The following MAK variants were observed in gnomAD, a reference collection of about 807,000 sequenced individuals.
The protein encoded by MAK is serine/threonine-protein kinase MAK.
In MAK, 65 loss-of-function variants were observed where a neutral mutation model predicts 82.6. That is an observed-to-expected ratio of 0.79 (90% CI 0.64 to 0.97). The LOEUF (loss-of-function observed/expected upper bound fraction) is 0.97. Ranked by LOEUF, MAK falls within the 50% of genes least tolerant of loss-of-function variation. The pLI is 0.00. For synonymous variants in MAK, 250 were observed against 274.2 expected (o/e 0.91, Z 0.87); for missense variants, 703 against 780.2 (o/e 0.90, Z 1.18).
Position 10,775,319 on chromosome 6 carries a change from T to C in MAK, c.1597+9A>G. 1 of 1,612,440 alleles carries C rather than the reference T, an allele frequency of 6.2e-7. No homozygotes were observed. Among genetic ancestry groups the C allele is most frequent in the Admixed American group, 1.7e-5 (1 of 59,964 alleles). On this transcript the variant is annotated intron_variant, in intron 12 of 14. Coordinates refer to ENST00000354489, the MANE Select transcript of MAK (RefSeq NM_001242957.3). ...CCCCGTACATGTACATTTTGTATTC[T>C]TGCGTTACCTGCATTGCTCCTTTTG...
At chr6:10,813,825 G>A (rs150508856) in intron 4 of MAK, 102 bp from the exon 5 acceptor site, 10 of 764,784 alleles carry the variant, frequency 1.3e-5, no homozygotes, top group African/African-American at 1.7e-5. Flanking sequence ...CTGGCCTCAC[G>A]ATACTGGTTA....
intron 10 of MAK, 138 bp from the exon 11 acceptor site, chr6:10,784,710 T>C: frequency 1.3e-6 from 1 of 786,948 alleles, no homozygotes; most frequent in Non-Finnish European, 2.2e-6. Context: ...CCATCAGTCT[T>C]TTGGCTAAGT....
Position 10,830,788 on chromosome 6 carries a change from T to C in MAK, c.-140A>G, listed in dbSNP as rs1778758660. ...TGGTGACAGGTTTGTCATCATTAAA[T>C]ATAGTCTCTCCCCCAAGATTACAGA... On this transcript the variant is annotated 5_prime_UTR_variant, in exon 2 of 15. It adds an upstream start codon to the 5' untranslated region. Transcript: ENST00000354489. The C allele has an allele frequency of 7.0e-6, 5 of 714,488 alleles. No homozygotes were observed. In the Admixed American group the frequency reaches 1.0e-4, roughly 14 times the overall value. The allele number at this position is 714,488 out of a possible 1,614,324, so 44.3% of individuals were successfully genotyped here. A position where few individuals can be genotyped will look rare whatever the true frequency, so the allele number is the denominator to read the frequency against.
At chr6:10,784,367 T>C (rs1206881849) in intron 11 of MAK, 57 bp downstream of exon 11, 3 of 1,590,998 alleles carry the variant, frequency 1.9e-6, no homozygotes, top group African/African-American at 2.7e-5. Context: ...CCAAGACACT[T>C]GAACCTGACC....
Position 10,796,165 on chromosome 6 carries a change from C to T in MAK, c.976G>A (p.Asp326Asn), listed in dbSNP as rs367903138. The T allele has an allele frequency of 1.9e-6, 3 of 1,614,148 alleles. No homozygotes were observed. Among genetic ancestry groups the T allele is most frequent in the South Asian group, 1.1e-5 (1 of 91,078 alleles). ...TGTCCAACAACCTGATCGATTATAT[C>T]CGGCAGAGGCTTAGGCTCTACCTCA... ...LVEVEPKPLP[D>N]IIDQVVGQPQ... Residue 326 changes from aspartate to asparagine, a missense_variant, in exon 9 of 15, where the codon GAT (aspartate) becomes AAT (asparagine). Asp to Asn is a conservative substitution (Grantham distance 23). Transcript: ENST00000354489.
intron 9 of MAK, among the ~76,000 whole-genome samples, chr6:10,795,608 G>A (rs1400075043): frequency 6.6e-6 from 1 of 152,100 alleles, no homozygotes; most frequent in African/African-American, 2.4e-5. Flanking sequence ...TCCAGGCGTG[G>A]TGGTGGGCGT....
At chr6:10,790,294 G>C (rs1043034457) in intron 10 of MAK, among the ~76,000 whole-genome samples, 1 of 152,136 alleles carries the variant, frequency 6.6e-6, no homozygotes, top group African/African-American at 2.4e-5. Context: ...GTACTCCTTA[G>C]AGATTCCTCG....
intron 12 of MAK, among the ~76,000 whole-genome samples, chr6:10,773,670 A>T (rs1370266401): frequency 6.6e-6 from 1 of 152,070 alleles, no homozygotes; most frequent in Admixed American, 6.5e-5. Flanking sequence ...ATAGGCATTT[A>T]AAAAATAAAA....
intron 7 of MAK, among the ~76,000 whole-genome samples, chr6:10,803,122 C>T (rs920198524): frequency 1.3e-5 from 2 of 152,148 alleles, no homozygotes; most frequent in Non-Finnish European, 2.9e-5. Flanking sequence ...GCATCACCCC[C>T]AAGTTACACT....
rs961084440 is a variant in MAK, at chr6:10,791,532, G to T, written c.1316+143C>A. 4 of 720,526 alleles carry T rather than the reference G, an allele frequency of 5.6e-6. No homozygotes were observed. The Admixed American group carries it at 7.7e-5, about 14-fold the overall frequency. The allele number at this position is 720,526 out of a possible 1,614,324, so 44.6% of individuals were successfully genotyped here. A position where few individuals can be genotyped will look rare whatever the true frequency, so the allele number is the denominator to read the frequency against. The stretch of plus-strand genomic sequence containing the variant: ...TCAACCTGCCTCGGCCTCCCAAAGT[G>T]CTGGGATTACAGGCCTGAGCCACTA... On this transcript the variant is annotated intron_variant, in intron 10 of 14. Transcript: ENST00000354489.
At chr6:10,809,114 C>A (rs1474298156) in intron 5 of MAK, among the ~76,000 whole-genome samples, 172 bp from the exon 6 acceptor site, 1 of 151,944 alleles carries the variant, frequency 6.6e-6, no homozygotes, top group African/African-American at 2.4e-5. Flanking sequence ...GCGTAGGGAC[C>A]CTGCTTTTAA....
chr6:10,814,390 C>G (rs752833641), intron 4 of MAK, among the ~76,000 whole-genome samples: 23 of 151,662 alleles, frequency 1.5e-4, no homozygotes, highest in African/African-American at 5.6e-4. Flanking sequence ...GAGAGATGGC[C>G]GGATGTGGTG....
At chr6:10,834,817 T>C (rs977170602) in intron 1 of MAK, among the ~76,000 whole-genome samples, 1 of 152,014 alleles carries the variant, frequency 6.6e-6, no homozygotes, top group Non-Finnish European at 1.5e-5. Flanking sequence ...TGAGACAGAG[T>C]CTCACTCTGT....
chr6:10,817,546 C>A (rs1306107058), intron 4 of MAK, among the ~76,000 whole-genome samples: 1 of 152,120 alleles, frequency 6.6e-6, no homozygotes, highest in Admixed American at 6.5e-5. Context: ...ATGCCCAAGG[C>A]CAGCTTTATT....
At chr6:10,773,947 C>T (rs1457869714) in intron 12 of MAK, among the ~76,000 whole-genome samples, 4 of 152,004 alleles carry the variant, frequency 2.6e-5, no homozygotes, top group African/African-American at 9.7e-5. Context: ...GATTCGCCCA[C>T]CTCGGCCTCC....
chr6:10,833,553 C>A (rs1347414379), intron 1 of MAK, among the ~76,000 whole-genome samples: 1 of 151,888 alleles, frequency 6.6e-6, no homozygotes, highest in Non-Finnish European at 1.5e-5. Flanking sequence ...TGCAGTGAGC[C>A]AAGATTGCAC....
chr6:10,770,280 A>G, intron 13 of MAK, 50 bp from the exon 14 acceptor site: 1 of 1,605,508 alleles, frequency 6.2e-7, no homozygotes. Context: ...TATTTTAGGC[A>G]CAGTAGAATA....
chr6:10,788,513 C>G (rs1774791910), intron 10 of MAK, among the ~76,000 whole-genome samples: 1 of 152,128 alleles, frequency 6.6e-6, no homozygotes, highest in Non-Finnish European at 1.5e-5. Flanking sequence ...AGGTGGATCA[C>G]CTGAGGTCAG....
chr6:10,803,526 C>G (rs1179542778), intron 7 of MAK, among the ~76,000 whole-genome samples, 194 bp downstream of exon 7: 2 of 134,192 alleles, frequency 1.5e-5, no homozygotes, highest in East Asian at 2.1e-4. Flanking sequence ...ACCTGGGCAA[C>G]AGAGCAAGAC....
Sources: allele counts gnomAD v4.1 joint callset (sites outside exome capture counted in the v4.1 genomes callset), GRCh38; gene constraint gnomAD v4.1.1; transcripts MANE v1.5; gene names NCBI Gene and HGNC (gene_info 2026-07-23, HGNC 2026-07-21).